Variants in PCTP observed in about 807,000 individuals in gnomAD.
PCTP encodes START domain-containing protein 2.
A neutral mutation model predicts 31.0 loss-of-function variants in PCTP; 27 were observed. The ratio of observed to expected loss-of-function variants is 0.87; its 90% CI spans 0.64 to 1.20. The LOEUF is 1.20. Ranked by LOEUF, PCTP falls within the 50% of genes most tolerant of loss-of-function variation. The pLI, the probability that PCTP is intolerant of heterozygous loss-of-function variation, is 0.00. For synonymous variants in PCTP, 108 were observed against 101.2 expected (o/e 1.07, Z -0.40); for missense variants, 287 against 268.2 (o/e 1.07, Z -0.49).
downstream of PCTP, among the ~76,000 whole-genome samples, chr17:55,844,930 A>G (rs1252613006): frequency 6.6e-6 from 1 of 151,426 alleles, no homozygotes; most frequent in African/African-American, 2.4e-5. Context: ...TCTACTAGAT[A>G]CAAAAAATTA....
downstream of PCTP, among the ~76,000 whole-genome samples, chr17:55,778,459 G>T (rs901058159): frequency 2.6e-5 from 4 of 152,140 alleles, no homozygotes; most frequent in African/African-American, 9.7e-5. Context: ...GTAGTATATA[G>T]TAGGCACTCG....
intron 3 of PCTP, among the ~76,000 whole-genome samples, chr17:55,810,778 T>G (rs925093658): frequency 6.6e-6 from 1 of 152,152 alleles, no homozygotes; most frequent in Non-Finnish European, 1.5e-5. Flanking sequence ...GGTTTAAAAT[T>G]TAAACGCAGA....
At chr17:55,799,102 C>G (rs959281809) in intron 3 of PCTP, among the ~76,000 whole-genome samples, 1 of 151,612 alleles carries the variant, frequency 6.6e-6, no homozygotes, top group African/African-American at 2.4e-5. Flanking sequence ...GAATGCTGGA[C>G]TAATGCAACA....
intron 3 of PCTP, among the ~76,000 whole-genome samples, chr17:55,803,448 G>T (rs1912458303): frequency 6.6e-6 from 1 of 152,164 alleles, no homozygotes; most frequent in Non-Finnish European, 1.5e-5. Flanking sequence ...CACACTACTT[G>T]ACTTCAAACT....
At chr17:55,757,755 C>T (rs539023713) in intron 1 of PCTP, among the ~76,000 whole-genome samples, 1 of 152,220 alleles carries the variant, frequency 6.6e-6, no homozygotes, top group Admixed American at 6.5e-5. Context: ...TTGAGAACCA[C>T]TGGTGGATGG....
chr17:55,795,575 C>A (rs969015510), intron 3 of PCTP, among the ~76,000 whole-genome samples: 1 of 152,022 alleles, frequency 6.6e-6, no homozygotes, highest in African/African-American at 2.4e-5. Flanking sequence ...TGGAAGGGAG[C>A]GTGACAGATT....
the PCTP span, among the ~76,000 whole-genome samples, chr17:55,851,834 G>GT: frequency 6.6e-6 from 1 of 152,104 alleles, no homozygotes; most frequent in Non-Finnish European, 1.5e-5. Context: ...TTGGCTTCCA[G>GT]TTTTTTAAAA....
At chr17:55,833,316 A>G (rs550463887) in intron 5 of PCTP, among the ~76,000 whole-genome samples, 2 of 152,370 alleles carry the variant, frequency 1.3e-5, no homozygotes, top group East Asian at 3.9e-4. Flanking sequence ...TCTGAATACA[A>G]CAAGTAACCT....
intron 1 of PCTP, among the ~76,000 whole-genome samples, chr17:55,766,942 A>G (rs947570765): frequency 3.4e-4 from 51 of 152,066 alleles, no homozygotes; most frequent in African/African-American, 1.2e-3. Context: ...TGACTTTTTA[A>G]TGATTGCCAT....
At chr17:55,753,726 G>A (rs192614296) in intron 1 of PCTP, among the ~76,000 whole-genome samples, 31 of 152,238 alleles carry the variant, frequency 2.0e-4, no homozygotes, top group African/African-American at 6.7e-4. Flanking sequence ...CTCCTCTAGC[G>A]AGCCCAGACC....
intron 3 of PCTP, among the ~76,000 whole-genome samples, chr17:55,820,917 A>T (rs1913093533): frequency 6.6e-6 from 1 of 152,242 alleles, no homozygotes. Context: ...GAGTTCTCAT[A>T]CACTGCTAAA....
At chr17:55,795,391 A>C (rs901090071) in intron 3 of PCTP, among the ~76,000 whole-genome samples, 2 of 152,074 alleles carry the variant, frequency 1.3e-5, no homozygotes, top group African/African-American at 4.8e-5. Context: ...GGCTCTATTC[A>C]TAAATGATTT....
At chr17:55,768,264 C>G (rs1023281737) in intron 2 of PCTP, among the ~76,000 whole-genome samples, 1 of 152,118 alleles carries the variant, frequency 6.6e-6, no homozygotes, top group African/African-American at 2.4e-5. Flanking sequence ...TAGATCCTCT[C>G]CACAGTTTGC....
chr17:55,840,000 T>C (rs1318558494), intron 5 of PCTP, among the ~76,000 whole-genome samples: 2 of 151,468 alleles, frequency 1.3e-5, no homozygotes, highest in African/African-American at 4.9e-5. Context: ...ATTCCTGTCC[T>C]TAATTTAGTT....
downstream of PCTP, among the ~76,000 whole-genome samples, chr17:55,826,706 C>G (rs1475171688): frequency 6.6e-6 from 1 of 152,142 alleles, no homozygotes; most frequent in South Asian, 2.1e-4. Context: ...GAAATCTTGG[C>G]CAAGTTCCGG....
chr17:55,829,222 A>T (rs974541412), intron 5 of PCTP, among the ~76,000 whole-genome samples: 2 of 152,044 alleles, frequency 1.3e-5, no homozygotes, highest in Non-Finnish European at 2.9e-5. Context: ...GAAAAAAAAA[A>T]AAAATAAAGA....
chr17:55,776,799 C>T lies in PCTP; in HGVS notation c.*699C>T. On this transcript the variant is annotated 3_prime_UTR_variant, in exon 6 of 6. Coordinates refer to ENST00000268896, the MANE Select transcript of PCTP (RefSeq NM_021213.4). Reference sequence around the variant, plus strand: ...ATAATATGACAACCACATTTTTCCTCATCATCCATGAGGAAATGGATGATT... The same window carrying T: ...ATAATATGACAACCACATTTTTCCTTATCATCCATGAGGAAATGGATGATT... 9 of 1,060,036 alleles carry T rather than the reference C, an allele frequency of 8.5e-6. No individual in the cohort carries two copies. The highest frequency in any genetic ancestry group is 1.0e-5 in the Non-Finnish European group (9 of 879,076). 65.7% of individuals were successfully genotyped at this position (1,060,036 alleles called of 1,614,324 possible). A position where few individuals can be genotyped will look rare whatever the true frequency, so the allele number is the denominator to read the frequency against.
intron 3 of PCTP, among the ~76,000 whole-genome samples, chr17:55,771,800 T>G (rs1911020738): frequency 6.6e-6 from 1 of 152,080 alleles, no homozygotes; most frequent in Non-Finnish European, 1.5e-5. Flanking sequence ...AGAAGCCCCC[T>G]TAGGACTAAG....
At chr17:55,809,974 T>C (rs1031043361) in intron 3 of PCTP, among the ~76,000 whole-genome samples, 12 of 152,184 alleles carry the variant, frequency 7.9e-5, no homozygotes, top group African/African-American at 2.9e-4. Context: ...ATTTACCTTC[T>C]AGTTGGTAGA....
Sources: gnomAD v4.1 joint callset for allele counts (sites outside exome capture counted in the v4.1 genomes callset) on GRCh38, gnomAD v4.1.1 for gene constraint, MANE v1.5 for transcripts, NCBI Gene and HGNC (gene_info 2026-07-23, HGNC 2026-07-21) for gene names.